PPARA: variants seen among roughly 807,000 people sequenced by gnomAD.
The protein encoded by PPARA is peroxisome proliferator-activated receptor alpha.
Under a neutral mutation model 42.2 loss-of-function variants are expected in PPARA, and 22 were observed. That is an observed-to-expected ratio of 0.52 (90% CI 0.37 to 0.74). PPARA has a LOEUF of 0.74. Among genes scored for constraint, PPARA ranks in the 30% least tolerant of loss-of-function variants. PPARA has a pLI of 0.00. For missense variants in PPARA, 465 were observed against 608.2 expected (o/e 0.76, Z 2.48); for synonymous variants, 242 against 239.3 (o/e 1.01, Z -0.10).
In PPARA at chr22:46,242,898, T is replaced by C. The variant is rs1253176754; in HGVS notation, c.*7518T>C. ...ACCAGCGAGGCCTTAGACTCCGTAT[T>C]AGAGGCCACCGATTTCATACAACAG... On this transcript the variant is annotated 3_prime_UTR_variant, in exon 9 of 9. Transcript: ENST00000407236. The surrounding 1 kb of genome is among the most constrained non-coding windows in gnomAD (Gnocchi z 6.1). The C allele has an allele frequency of 6.5e-6, 1 of 152,690 alleles. No homozygotes were observed. Among genetic ancestry groups the C allele is most frequent in the Admixed American group, 6.5e-5 (1 of 15,290 alleles). 9.5% of individuals were successfully genotyped at this position (152,690 alleles called of 1,614,324 possible).
rs1413963729 is a variant in PPARA at position 46,184,474 on chromosome 22, A to G, written c.-43+7638A>G. Among the ~76,000 whole-genome samples, 1 of 152,190 alleles carries G rather than the reference A, an allele frequency of 6.6e-6. No homozygotes were observed. The highest frequency in any genetic ancestry group is 1.5e-5 in the Non-Finnish European group (1 of 68,028). ...CACCTGATGGAGGGCTTCTCTGAATATAGGGCTATGGGGTCAGAAGCCAGT... is the reference window on the plus strand; with the variant it reads ...CACCTGATGGAGGGCTTCTCTGAATGTAGGGCTATGGGGTCAGAAGCCAGT... On this transcript the variant is annotated intron_variant, in intron 3 of 8. Transcript: ENST00000407236. The surrounding 1 kb of genome is among the most constrained non-coding windows in gnomAD (Gnocchi z 4.4).
At position 46,191,868 on chromosome 22, in the gene PPARA, C is replaced by A. The variant is rs933637373; in HGVS notation, c.-42-6474C>A. Among the ~76,000 whole-genome samples the A allele has an allele frequency of 2.0e-5, 3 of 152,174 alleles. No individual in the cohort carries two copies. Among genetic ancestry groups the A allele is most frequent in the Non-Finnish European group, 4.4e-5 (3 of 68,034 alleles). ...AGATCACGAGGTCAAGAGATCAAGA[C>A]CATCCTGGCCAACATGGTGAAACCT... is the stretch of plus-strand genomic sequence containing the variant. On this transcript the variant is annotated intron_variant, in intron 3 of 8. Coordinates refer to ENST00000407236, the MANE Select transcript of PPARA (RefSeq NM_005036.6). This position sits in a 1 kb window ranked among gnomAD's most constrained non-coding sequence, Gnocchi z 4.6.
rs1936347551 is a variant in PPARA, at chr22:46,240,652, C to A, written c.*5272C>A. ...GAAGGCTCATGATTGTTAAAAATGTCCACGGGAACCTCTCGTCCACAGGAG... is the reference window on the plus strand; with the variant it reads ...GAAGGCTCATGATTGTTAAAAATGTACACGGGAACCTCTCGTCCACAGGAG... On this transcript the variant is annotated 3_prime_UTR_variant, in exon 9 of 9. Coordinates refer to ENST00000407236, the MANE Select transcript of PPARA (RefSeq NM_005036.6). This position sits in a 1 kb window ranked among gnomAD's most constrained non-coding sequence, Gnocchi z 6.0. 6.1e-6 allele frequency: 1 copy of A among 164,106 alleles called. No homozygotes were observed. The highest frequency in any genetic ancestry group is 1.7e-4 in the East Asian group (1 of 6,048). The allele number at this position is 164,106 out of a possible 1,614,324, so 10.2% of individuals were successfully genotyped here.
rs1192502195 is a variant in PPARA at position 46,167,018 on chromosome 22, T to C, written c.-126-9735T>C. 3.3e-5 allele frequency among the ~76,000 whole-genome samples: 5 copies of C among 152,146 alleles called. No individual in the cohort carries two copies. Among genetic ancestry groups the C allele is most frequent in the Non-Finnish European group, 7.3e-5 (5 of 68,032 alleles). Reference sequence around the variant, plus strand: ...CTACAGTAATCAAGACAGTATGGTATTGATATGAAAATAGACCATTAGATG... The same window carrying C: ...CTACAGTAATCAAGACAGTATGGTACTGATATGAAAATAGACCATTAGATG... On this transcript the variant is annotated intron_variant, in intron 2 of 8. Transcript: ENST00000407236. The surrounding 1 kb of genome is among the most constrained non-coding windows in gnomAD (Gnocchi z 4.1).
At position 46,180,865 on chromosome 22, in the gene PPARA, G is replaced by A. The variant is rs150237888; in HGVS notation, c.-43+4029G>A. On this transcript the variant is annotated intron_variant, in intron 3 of 8. Transcript: ENST00000407236. The surrounding 1 kb of genome is among the most constrained non-coding windows in gnomAD (Gnocchi z 4.2). ...TCCCTTGCCTGTGGAACTGGAGCCC[G>A]GGTCGAGGGAGACCTGGGACCTTTG... is the stretch of plus-strand genomic sequence containing the variant. 0.014 allele frequency among the ~76,000 whole-genome samples: 2,192 copies of A among 152,260 alleles called. 32 individuals carry two copies. Among genetic ancestry groups the A allele is most frequent in the Non-Finnish European group, 0.024 (1,608 of 68,014 alleles).
chr22:46,230,371 C>CA lies in PPARA; in HGVS notation c.712-1411dup, dbSNP rs148446078. Among the ~76,000 whole-genome samples the CA allele has an allele frequency of 0.2, 30,513 of 149,116 alleles. 4,933 individuals are homozygous for CA. The highest frequency in any genetic ancestry group is 0.45 in the African/African-American group (18,472 of 40,902). On this transcript the variant is annotated intron_variant, in intron 7 of 8. Transcript: ENST00000407236. The surrounding 1 kb of genome is among the most constrained non-coding windows in gnomAD (Gnocchi z 5.0). ...GGGCAACAAGAGCAAAACTCTGTCT[C>CA]AAAAAAAAAAGAAATAACACCTTAG...
rs1931162741 is a variant in PPARA, at chr22:46,188,804, A to T, written c.-42-9538A>T. The T allele has an allele frequency of 6.6e-6, 1 of 152,200 alleles. No individual in the cohort carries two copies. Among genetic ancestry groups the T allele is most frequent in the Admixed American group, 6.5e-5 (1 of 15,276 alleles). The allele number at this position is 152,200 out of a possible 1,614,324, so 9.4% of individuals were successfully genotyped here. On this transcript the variant is annotated intron_variant, in intron 3 of 8. Transcript: ENST00000407236. The surrounding 1 kb of genome is among the most constrained non-coding windows in gnomAD (Gnocchi z 5.0). The stretch of plus-strand genomic sequence containing the variant: ...TGCCTGTCTGTGGTCTCCAGCGTTA[A>T]GCACAGTCATTAGCTCAGGTGCGTA...
intron 2 of PPARA, among the ~76,000 whole-genome samples, chr22:46,159,560 T>C (rs1048714952): frequency 1.2e-4 from 18 of 152,220 alleles, no homozygotes; most frequent in African/African-American, 4.3e-4. Context: ...ATTTTCATTC[T>C]CTTCTTTCCT....
rs1312752080 is a variant in PPARA at position 46,167,958 on chromosome 22, G to A, written c.-126-8795G>A. On this transcript the variant is annotated intron_variant, in intron 2 of 8. Transcript: ENST00000407236. This position sits in a 1 kb window ranked among gnomAD's most constrained non-coding sequence, Gnocchi z 4.1. The stretch of plus-strand genomic sequence containing the variant: ...CCTAGCTACTCACGAAGCTGAGGCA[G>A]GAGGATCACTTGAGCCCAGGAGTTG... Among the ~76,000 whole-genome samples the A allele has an allele frequency of 6.6e-6, 1 of 152,060 alleles. No homozygotes were observed.
chr22:46,195,779 C>T lies in PPARA; in HGVS notation c.-42-2563C>T, dbSNP rs1451093643. On this transcript the variant is annotated intron_variant, in intron 3 of 8. Coordinates refer to ENST00000407236, the MANE Select transcript of PPARA (RefSeq NM_005036.6). The surrounding 1 kb of genome is among the most constrained non-coding windows in gnomAD (Gnocchi z 4.6). ...CACCATGTGATGACGGCTGCCCTGA[C>T]AGTGGCTGGTAGCAGCACATACCCC... Among the ~76,000 whole-genome samples the T allele has an allele frequency of 6.6e-6, 1 of 152,110 alleles. No individual in the cohort carries two copies. Among genetic ancestry groups the T allele is most frequent in the Non-Finnish European group, 1.5e-5 (1 of 68,022 alleles).
At position 46,211,970 on chromosome 22, in the gene PPARA, G is replaced by A. The variant is rs1481766911; in HGVS notation, c.209-3203G>A. 1.3e-5 allele frequency among the ~76,000 whole-genome samples: 2 copies of A among 151,854 alleles called. No homozygotes were observed. The highest frequency in any genetic ancestry group is 2.4e-5 in the African/African-American group (1 of 41,348). On this transcript the variant is annotated intron_variant, in intron 4 of 8. Transcript: ENST00000407236. This position sits in a 1 kb window ranked among gnomAD's most constrained non-coding sequence, Gnocchi z 4.1. ...GCCTCCCAAAGTGTTGGGATTACAG[G>A]CGTGAGCCACCACACCCGGTCTCTC...
rs1480327144 is a variant in PPARA, at chr22:46,215,251, G to A, written c.287G>A (p.Gly96Glu). The A allele has an allele frequency of 2.5e-6, 4 of 1,613,988 alleles. No homozygotes were observed. The highest frequency in any genetic ancestry group is 1.7e-6 in the Non-Finnish European group (2 of 1,180,028). The change falls in exon 5 of 9, where the codon GGA becomes GAA. Residue 96 changes from glycine to glutamate, a missense_variant. Coordinates refer to ENST00000407236, the MANE Select transcript of PPARA (RefSeq NM_005036.6). ...VPGSVDESPS[G>E]ALNIECRICG... is the part of the protein sequence containing the mutation. ...GGCAGCGTGGACGAGTCTCCCAGTG[G>A]AGCATTGAACATCGAATGTAGAATC...
rs575172267 is a variant in PPARA at position 46,198,393 on chromosome 22, A to G, written c.10A>G (p.Thr4Ala). 418 of 1,613,882 alleles carry G rather than the reference A, an allele frequency of 2.6e-4. 6 individuals carry two copies. In the South Asian group the frequency reaches 4.4e-3, roughly 17 times the overall value. ...GCACCATCTGGTCGCGATGGTGGAC[A>G]CGGAAAGCCCACTCTGCCCCCTCTC... The part of the protein sequence containing the change: MVD[T>A]ESPLCPLSPL... The change falls in exon 4 of 9, where the codon ACG becomes GCG. Residue 4 changes from threonine (T) to alanine (A), a missense_variant. Thr to Ala is a moderately conservative substitution (Grantham distance 58). This residue lies in a region of PPARA where 152 missense variants were observed against 139.1 expected (regional missense o/e 1.09). Coordinates refer to ENST00000407236, the MANE Select transcript of PPARA (RefSeq NM_005036.6).
chr22:46,189,863 C>A (rs939865342), intron 3 of PPARA, among the ~76,000 whole-genome samples: 1 of 152,092 alleles, frequency 6.6e-6, no homozygotes, highest in African/African-American at 2.4e-5. Context: ...CGTGCCACCA[C>A]GCCCAGCTAA....
At chr22:46,154,846 G>T (rs975135613) in intron 2 of PPARA, among the ~76,000 whole-genome samples, 15 of 150,666 alleles carry the variant, frequency 1.0e-4, no homozygotes, top group Non-Finnish European at 2.2e-4. Flanking sequence ...ACTCATTTTT[G>T]TATTTTTTGC....
rs1395749570 is a variant in PPARA at position 46,184,963 on chromosome 22, A to G, written c.-43+8127A>G. Among the ~76,000 whole-genome samples the G allele has an allele frequency of 1.3e-5, 2 of 152,226 alleles. No individual in the cohort carries two copies. The highest frequency in any genetic ancestry group is 4.8e-5 in the African/African-American group (2 of 41,454). On this transcript the variant is annotated intron_variant, in intron 3 of 8. Coordinates refer to ENST00000407236, the MANE Select transcript of PPARA (RefSeq NM_005036.6). The surrounding 1 kb of genome is among the most constrained non-coding windows in gnomAD (Gnocchi z 4.4). ...TCTCCAGCATGGTCTGGAATTTCCC[A>G]GTGAGTGACCATCTGTGTGTGTGTA...
chr22:46,217,458 G>A (rs927803755), intron 5 of PPARA, among the ~76,000 whole-genome samples: 6 of 152,078 alleles, frequency 3.9e-5, no homozygotes, highest in African/African-American at 1.2e-4. Flanking sequence ...ATTGTTTCTT[G>A]CTGGGTAGAG....
chr22:46,198,301 G>T, intron 3 of PPARA, 41 bp from the exon 4 acceptor site: 5 of 979,600 alleles, frequency 5.1e-6, no homozygotes, highest in Non-Finnish European at 8.0e-6. Context: ...AGTGAACGTT[G>T]TTATACGTCA....
Position 46,234,072 on chromosome 22 carries a change from C to A in PPARA, c.1160-1061C>A, listed in dbSNP as rs1428206080. Among the ~76,000 whole-genome samples, 1 of 152,122 alleles carries A rather than the reference C, an allele frequency of 6.6e-6. No individual in the cohort carries two copies. Among genetic ancestry groups the A allele is most frequent in the Admixed American group, 6.6e-5 (1 of 15,264 alleles). On this transcript the variant is annotated intron_variant, in intron 8 of 8. Transcript: ENST00000407236. The surrounding 1 kb of genome is among the most constrained non-coding windows in gnomAD (Gnocchi z 5.8). ...CTCCTGACCCCGGGTGACCCACCCACCTCGGCCTCCCAAAGTGCTGGGATT... is the reference window on the plus strand; with the variant it reads ...CTCCTGACCCCGGGTGACCCACCCAACTCGGCCTCCCAAAGTGCTGGGATT...
Sources: allele counts gnomAD v4.1 joint callset (sites outside exome capture counted in the v4.1 genomes callset), GRCh38; gene constraint gnomAD v4.1.1; regional missense constraint gnomAD v4.1.1; non-coding constraint Gnocchi (gnomAD v3.1); transcripts MANE v1.5; gene names NCBI Gene and HGNC (gene_info 2026-07-23, HGNC 2026-07-21).